Variants in ACOXL observed in about 807,000 individuals in gnomAD.
ACOXL encodes the protein acyl-CoA oxidase like.
A neutral mutation model predicts 71.9 loss-of-function variants in ACOXL; 70 were observed. That is an observed-to-expected ratio of 0.97 (90% confidence interval 0.80 to 1.19). ACOXL has a LOEUF of 1.19. Ranked by LOEUF, ACOXL falls within the 50% of genes most tolerant of loss-of-function variation. The probability of loss-of-function intolerance (pLI) is 0.00; values close to 1 mark genes in which losing one functional copy is unlikely to be tolerated. For missense variants in ACOXL, 703 were observed against 736.3 expected (o/e 0.95, Z 0.52); for synonymous variants, 253 against 281.6 (o/e 0.90, Z 1.02).
At chr2:110,747,699 C>G (rs1210523981) in intron 1 of ACOXL, among the ~76,000 whole-genome samples, 1 of 152,172 alleles carries the variant, frequency 6.6e-6, no homozygotes, top group Non-Finnish European at 1.5e-5. Context: ...GGAAGAGCCA[C>G]CAGCAGTGTC....
rs1033536501 is a variant in ACOXL at position 110,840,965 on chromosome 2, G to A, written c.754-406G>A. Among the ~76,000 whole-genome samples the A allele has an allele frequency of 2.0e-5, 3 of 152,208 alleles. No homozygotes were observed. The East Asian group carries it at 5.8e-4, about 29-fold the overall frequency. On this transcript the variant is annotated intron_variant, in intron 9 of 17. Transcript: ENST00000439055. ...GGACCAGCTCCCAGGATCCCACCAT[G>A]TGTGGGCGTGTTCTCCTAATGCCAA...
chr2:110,743,530 A>G (rs1677797328), intron 1 of ACOXL, among the ~76,000 whole-genome samples: 1 of 152,148 alleles, frequency 6.6e-6, no homozygotes, highest in Non-Finnish European at 1.5e-5. Context: ...AAGGGTTTGG[A>G]AAAAAACAAA....
chr2:110,848,880 G>A (rs1279728987), intron 10 of ACOXL, among the ~76,000 whole-genome samples: 2 of 152,214 alleles, frequency 1.3e-5, no homozygotes, highest in African/African-American at 2.4e-5. Context: ...GGGCTTCCCC[G>A]TGTAGACAGC....
chr2:110,944,285 C>G (rs1045539328), intron 12 of ACOXL, among the ~76,000 whole-genome samples: 2 of 151,796 alleles, frequency 1.3e-5, no homozygotes, highest in Non-Finnish European at 2.9e-5. Flanking sequence ...AATTCCTGAC[C>G]ACAAGTCATC....
chr2:111,020,773 C>T (rs1240536810), intron 14 of ACOXL, among the ~76,000 whole-genome samples: 1 of 152,158 alleles, frequency 6.6e-6, no homozygotes, highest in South Asian at 2.1e-4. Flanking sequence ...GGCCTGGGGA[C>T]CAGGAGGGCC....
At chr2:110,774,322 A>G (rs535348642) in intron 2 of ACOXL, among the ~76,000 whole-genome samples, 8 of 152,302 alleles carry the variant, frequency 5.3e-5, no homozygotes, top group African/African-American at 1.7e-4. Context: ...AATTTCTGGT[A>G]TGTCAGATGG....
Position 110,793,707 on chromosome 2 carries a change from C to G in ACOXL, c.217C>G (p.His73Asp), listed in dbSNP as rs751896192. The G allele has an allele frequency of 3.1e-6, 5 of 1,614,146 alleles. No homozygotes were observed. The Admixed American group carries it at 6.7e-5, about 22-fold the overall frequency. ...TATCAGGAATCTCGGAAGCCCTGAA[C>G]ATGTTACTAAGTGGTTTCAGCCACT... ...GAIRNLGSPE[H>D]VTKWFQPLQE... is the part of the protein sequence containing the mutation. The change falls in exon 4 of 18, where the codon CAT (histidine) becomes GAT (aspartate). Residue 73 changes from histidine to aspartate, a missense_variant. Physicochemically the swap from His to Asp is moderately conservative, Grantham distance 81. Coordinates refer to ENST00000439055, the MANE Select transcript of ACOXL (RefSeq NM_001142807.4).
At chr2:110,990,814 A>G (rs1026981912) in intron 13 of ACOXL, among the ~76,000 whole-genome samples, 15 of 152,334 alleles carry the variant, frequency 9.8e-5, no homozygotes, top group African/African-American at 3.6e-4. Flanking sequence ...CCGATCATCT[A>G]ATGTTAAACT....
intron 1 of ACOXL, among the ~76,000 whole-genome samples, chr2:110,757,871 G>T (rs1017602154): frequency 2.1e-4 from 32 of 151,724 alleles, no homozygotes; most frequent in Non-Finnish European, 1.0e-4. Context: ...AGTTTCTTTT[G>T]CTGTCCAGGA....
At chr2:110,897,687 C>A (rs1430322696) in intron 10 of ACOXL, among the ~76,000 whole-genome samples, 1 of 151,914 alleles carries the variant, frequency 6.6e-6, no homozygotes, top group Non-Finnish European at 1.5e-5. Context: ...TAGCAAGAAC[C>A]TAGAAAAAGA....
At chr2:111,104,967 A>G (rs1456132399) in intron 17 of ACOXL, among the ~76,000 whole-genome samples, 3 of 152,042 alleles carry the variant, frequency 2.0e-5, no homozygotes, top group Admixed American at 2.0e-4. Flanking sequence ...TACATTTTTC[A>G]TTGAGCCATG....
chr2:111,087,461 C>A (rs1417693936), intron 16 of ACOXL, among the ~76,000 whole-genome samples: 1 of 152,100 alleles, frequency 6.6e-6, no homozygotes, highest in African/African-American at 2.4e-5. Flanking sequence ...ACACATAGAC[C>A]AATGGTACAG....
chr2:110,994,077 C>T (rs1452201644), intron 13 of ACOXL, among the ~76,000 whole-genome samples: 1 of 152,136 alleles, frequency 6.6e-6, no homozygotes, highest in African/African-American at 2.4e-5. Flanking sequence ...GGGTGAGATC[C>T]CCTTCCTGCA....
chr2:110,748,568 C>T (rs1678529431), intron 1 of ACOXL, among the ~76,000 whole-genome samples: 1 of 152,222 alleles, frequency 6.6e-6, no homozygotes, highest in African/African-American at 2.4e-5. Flanking sequence ...TTCTCAGTCT[C>T]CCTTGCTGGT....
At chr2:111,106,305 C>T (rs540950757) in intron 17 of ACOXL, among the ~76,000 whole-genome samples, 1 of 152,304 alleles carries the variant, frequency 6.6e-6, no homozygotes, top group East Asian at 1.9e-4. Context: ...CTGTCAAAAC[C>T]ATCCACTGAG....
At chr2:110,830,493 A>G (rs140581413) in intron 9 of ACOXL, among the ~76,000 whole-genome samples, 4 of 151,626 alleles carry the variant, frequency 2.6e-5, no homozygotes, top group African/African-American at 4.8e-5. Context: ...CTTGTATTCT[A>G]TATTCCTGGT....
At chr2:110,863,242 A>G (rs1694170045) in intron 10 of ACOXL, among the ~76,000 whole-genome samples, 1 of 152,246 alleles carries the variant, frequency 6.6e-6, no homozygotes. Flanking sequence ...ATGATGGAAT[A>G]TTATATAACC....
intron 10 of ACOXL, among the ~76,000 whole-genome samples, chr2:110,864,686 G>A (rs1026698427): frequency 8.5e-5 from 13 of 152,244 alleles, no homozygotes; most frequent in African/African-American, 3.1e-4. Context: ...GCTAACATAT[G>A]CCTCCAAGAT....
intron 9 of ACOXL, among the ~76,000 whole-genome samples, chr2:110,830,327 CAT>C (rs1308286401): frequency 6.6e-6 from 1 of 152,170 alleles, no homozygotes; most frequent in African/African-American, 2.4e-5. Flanking sequence ...TGACTCAACA[CAT>C]ATTGTACGCA....
Sources: gnomAD v4.1 joint callset for allele counts (sites outside exome capture counted in the v4.1 genomes callset) on GRCh38, gnomAD v4.1.1 for gene constraint, MANE v1.5 for transcripts, NCBI Gene and HGNC (gene_info 2026-07-23, HGNC 2026-07-21) for gene names.